TBXAS1: variants seen among roughly 807,000 people sequenced by gnomAD.
The protein encoded by TBXAS1 is thromboxane-A synthase.
Under a neutral mutation model 60.7 loss-of-function variants are expected in TBXAS1, and 48 were observed. The ratio of observed to expected loss-of-function variants is 0.79; its 90% CI spans 0.63 to 1.01. The LOEUF (loss-of-function observed/expected upper bound fraction) is 1.01, where lower values mean the gene tolerates loss of function less well. TBXAS1 is among the 50% of genes least tolerant of loss of function. The probability of loss-of-function intolerance (pLI) is 0.00; values close to 1 mark genes in which losing one functional copy is unlikely to be tolerated. For missense variants in TBXAS1, 685 were observed against 686.3 expected (o/e 1.00, Z 0.02); for synonymous variants, 287 against 269.7 (o/e 1.06, Z -0.63).
intron 1 of TBXAS1, among the ~76,000 whole-genome samples, chr7:139,836,399 A>T (rs998797473): frequency 1.3e-5 from 2 of 152,210 alleles, no homozygotes; most frequent in African/African-American, 2.4e-5. Flanking sequence ...GAGGCCTCAC[A>T]TTACCTTATT....
intron 9 of TBXAS1, among the ~76,000 whole-genome samples, chr7:139,969,455 T>TAA (rs1811031948): frequency 5.3e-5 from 1 of 18,730 alleles, no homozygotes; most frequent in African/African-American, 1.9e-4. Flanking sequence ...ATTATGTGCT[T>TAA]ACAAAAAAAA....
intron 1 of TBXAS1, among the ~76,000 whole-genome samples, chr7:139,835,594 T>C (rs1799005555): frequency 6.6e-6 from 1 of 152,168 alleles, no homozygotes; most frequent in Admixed American, 6.5e-5. Context: ...ATGATTAAAA[T>C]TCTTAGCAAA....
chr7:139,936,741 G>A lies in TBXAS1; in HGVS notation c.450+434G>A, dbSNP rs533062501. On this transcript the variant is annotated intron_variant, in intron 5 of 12. Coordinates refer to ENST00000448866, the MANE Select transcript of TBXAS1 (RefSeq NM_001061.7). ...TTATAACACCCGGCCAGGTAATTTC[G>A]TTGTTACTGGACAATGAACCACACT... Among the ~76,000 whole-genome samples, 9 of 152,322 alleles carry A rather than the reference G, an allele frequency of 5.9e-5. No individual in the cohort carries two copies. In the East Asian group the frequency reaches 1.2e-3, roughly 20 times the overall value.
intron 4 of TBXAS1, among the ~76,000 whole-genome samples, chr7:139,793,425 A>T (rs962296460): frequency 2.0e-5 from 3 of 152,158 alleles, no homozygotes; most frequent in African/African-American, 7.2e-5. Flanking sequence ...TTAAAAAAAA[A>T]AAGTATTTAT....
At chr7:139,828,095 C>A (rs1652288947), upstream of TBXAS1, among the ~76,000 whole-genome samples, 1 of 152,160 alleles carries the variant, frequency 6.6e-6, no homozygotes, top group Non-Finnish European at 1.5e-5. Flanking sequence ...TTAGAATTCT[C>A]TTCTTCCTCA....
chr7:139,973,383 G>A (rs375505108), intron 9 of TBXAS1, among the ~76,000 whole-genome samples: 3 of 152,124 alleles, frequency 2.0e-5, no homozygotes, highest in East Asian at 1.9e-4. Flanking sequence ...ATAGCCAATC[G>A]CTGGGCATCT....
chr7:139,824,545 C>T (rs1798385102), upstream of TBXAS1, among the ~76,000 whole-genome samples: 1 of 152,198 alleles, frequency 6.6e-6, no homozygotes, highest in Non-Finnish European at 1.5e-5. Flanking sequence ...CACGTCTGTA[C>T]AGTGGACTGA....
At chr7:139,926,803 A>G (rs1806916886) in intron 4 of TBXAS1, among the ~76,000 whole-genome samples, 1 of 151,844 alleles carries the variant, frequency 6.6e-6, no homozygotes, top group East Asian at 1.9e-4. Flanking sequence ...GCCATATCCC[A>G]TTAGTTTTGG....
At chr7:140,012,468 T>C (rs1025067065) in intron 10 of TBXAS1, among the ~76,000 whole-genome samples, 3 of 151,782 alleles carry the variant, frequency 2.0e-5, no homozygotes, top group Admixed American at 2.0e-4. Context: ...AGAACTTTTT[T>C]TTTTTTTTTT....
At chr7:139,928,645 G>T (rs934766882) in intron 4 of TBXAS1, among the ~76,000 whole-genome samples, 1 of 152,008 alleles carries the variant, frequency 6.6e-6, no homozygotes, top group African/African-American at 2.4e-5. Context: ...CAGATTAATA[G>T]AGTTTTATTT....
At chr7:139,989,453 G>T (rs1014571078) in intron 9 of TBXAS1, among the ~76,000 whole-genome samples, 1 of 152,218 alleles carries the variant, frequency 6.6e-6, no homozygotes, top group African/African-American at 2.4e-5. Context: ...TAACGACATC[G>T]TGAGCGTGGC....
At chr7:139,983,787 C>T (rs1313688170) in intron 9 of TBXAS1, among the ~76,000 whole-genome samples, 3 of 152,116 alleles carry the variant, frequency 2.0e-5, no homozygotes, top group African/African-American at 7.2e-5. Context: ...TTCCCAGAGC[C>T]CTTTCTTGTG....
chr7:139,965,523 C>T (rs930922851), intron 9 of TBXAS1, among the ~76,000 whole-genome samples: 17 of 152,102 alleles, frequency 1.1e-4, no homozygotes, highest in African/African-American at 4.1e-4. Context: ...CAAACTCCGC[C>T]GCCTAAGGAA....
intron 3 of TBXAS1, among the ~76,000 whole-genome samples, chr7:139,879,832 TTGTGTGTGTGTG>T (rs57176056): frequency 0.25 from 35,736 of 140,450 alleles, 4,497 homozygotes; most frequent in South Asian, 0.44. Flanking sequence ...TTATCTCATT[TTGTGTGTGTGTG>T]TGTGTGTGTG....
At chr7:139,910,430 A>C (rs371340105) in intron 3 of TBXAS1, among the ~76,000 whole-genome samples, 1 of 152,170 alleles carries the variant, frequency 6.6e-6, no homozygotes, top group African/African-American at 2.4e-5. Flanking sequence ...TGAGGTCAGG[A>C]GTTCAAGACC....
At chr7:140,014,888 G>A (rs919546002) in intron 10 of TBXAS1, among the ~76,000 whole-genome samples, 17 of 133,300 alleles carry the variant, frequency 1.3e-4, no homozygotes, top group Non-Finnish European at 2.1e-4. Flanking sequence ...CAGCCTGGGT[G>A]ACAGAGCAAG....
At chr7:139,920,387 C>T (rs1806365066) in intron 4 of TBXAS1, among the ~76,000 whole-genome samples, 1 of 152,168 alleles carries the variant, frequency 6.6e-6, no homozygotes, top group Non-Finnish European at 1.5e-5. Flanking sequence ...TCCTTCCTGC[C>T]TCTTTTAGAA....
intron 1 of TBXAS1, among the ~76,000 whole-genome samples, chr7:139,849,794 C>T (rs1023094521): frequency 3.9e-5 from 6 of 152,154 alleles, no homozygotes; most frequent in African/African-American, 1.2e-4. Context: ...ATGCAGAAAG[C>T]GCAGCTTGTT....
intron 1 of TBXAS1, among the ~76,000 whole-genome samples, chr7:139,869,379 A>C (rs1198332544): frequency 6.6e-6 from 1 of 151,976 alleles, no homozygotes; most frequent in African/African-American, 2.4e-5. Flanking sequence ...CCTGTACTTC[A>C]GTATGACTTT....
Sources: gnomAD v4.1 joint callset for allele counts (sites outside exome capture counted in the v4.1 genomes callset) on GRCh38, gnomAD v4.1.1 for gene constraint, MANE v1.5 for transcripts, NCBI Gene and HGNC (gene_info 2026-07-23, HGNC 2026-07-21) for gene names.